Variants in ARID3A observed in about 807,000 individuals in gnomAD.
ARID3A encodes AT-rich interaction domain 3A, also known as AT-rich interactive domain-containing protein 3A.
Under a neutral mutation model 52.7 loss-of-function variants are expected in ARID3A, and 11 were observed. The ratio of observed to expected loss-of-function variants is 0.21; its 90% confidence interval spans 0.13 to 0.35. The LOEUF is 0.35. Among genes scored for constraint, ARID3A ranks in the 10% least tolerant of loss-of-function variants. The pLI, the probability that ARID3A is intolerant of heterozygous loss-of-function variation, is 1.00. For missense variants in ARID3A, 721 were observed against 838.5 expected (o/e 0.86, Z 1.73); for synonymous variants, 404 against 359.4 (o/e 1.12, Z -1.40).
At chr19:930,769 A>G (rs1469844513) in intron 2 of ARID3A, among the ~76,000 whole-genome samples, 4 of 150,938 alleles carry the variant, frequency 2.7e-5, no homozygotes, top group Admixed American at 6.6e-5. Flanking sequence ...TTGGCCTCCC[A>G]AAGTGCTGGG....
rs992548375 is a variant in ARID3A at position 930,647 on chromosome 19, C to T, written c.368+751C>T. ...GCCTCAGCCTCCCGAGTAGTTGGGA[C>T]TACAGGCGCCCGCCACCACGCCTGG... On this transcript the variant is annotated intron_variant, in intron 2 of 8. Coordinates refer to ENST00000263620, the MANE Select transcript of ARID3A (RefSeq NM_005224.3). Among the ~76,000 whole-genome samples, 7 of 150,354 alleles carry T rather than the reference C, an allele frequency of 4.7e-5. No individual in the cohort carries two copies. The East Asian group carries it at 6.1e-4, about 13-fold the overall frequency.
intron 3 of ARID3A, among the ~76,000 whole-genome samples, chr19:936,678 T>C (rs1376624213): frequency 6.6e-6 from 1 of 151,576 alleles, no homozygotes; most frequent in Non-Finnish European, 1.5e-5. Context: ...CTGTCTCTAC[T>C]AAAAATATAA....
chr19:973,908 C>T lies in ARID3A; in HGVS notation c.*1843C>T, dbSNP rs774284817. 16 of 230,682 alleles carry T rather than the reference C, an allele frequency of 6.9e-5. No homozygotes were observed. Among genetic ancestry groups the T allele is most frequent in the African/African-American group, 1.3e-4 (6 of 45,154 alleles). The allele number at this position is 230,682 out of a possible 1,614,324, so 14.3% of individuals were successfully genotyped here. The stretch of plus-strand genomic sequence containing the variant: ...AATGCCCAGCAGGGTCTGGGGACTT[C>T]GTTGGACCCGCGTGGTGTTGGGCGG... On this transcript the variant is annotated 3_prime_UTR_variant, in exon 9 of 9. Transcript: ENST00000263620.
chr19:936,960 G>A (rs1465216175), intron 3 of ARID3A, among the ~76,000 whole-genome samples: 1 of 151,906 alleles, frequency 6.6e-6, no homozygotes, highest in African/African-American at 2.4e-5. Context: ...GCCTGTTCTG[G>A]ACATTTTATA....
chr19:941,512 C>T lies in ARID3A; in HGVS notation c.693+8770C>T, dbSNP rs1032694648. Among the ~76,000 whole-genome samples, 4 of 152,202 alleles carry T rather than the reference C, an allele frequency of 2.6e-5. No individual in the cohort carries two copies. The highest frequency in any genetic ancestry group is 9.6e-5 in the African/African-American group (4 of 41,452). ...GTGCCGAGTGACGTGGCAAACTTCC[C>T]ACGTCCCTGTTTTGCGTGGACCTGT... On this transcript the variant is annotated intron_variant, in intron 3 of 8. Transcript: ENST00000263620. The surrounding 1 kb of genome is among the most constrained non-coding windows in gnomAD (Gnocchi z 6.9).
rs373039179 is a variant in ARID3A, at chr19:929,738, G to T, written c.210G>T (p.Ala70=). 33 of 1,559,266 alleles carry T rather than the reference G, an allele frequency of 2.1e-5. No individual in the cohort carries two copies. In the Admixed American group the frequency reaches 6.0e-4, roughly 28 times the overall value. The stretch of plus-strand genomic sequence containing the variant: ...TGGCAGCCATGCGGGCTGCAGCTGC[G>T]GGCCTGGGACACCCAGCCAGCCCCG... ...AALAAMRAAA[A]GLGHPASPGG... Residue 70 remains alanine, a synonymous_variant, in exon 2 of 9, where the codon GCG becomes GCT. Transcript: ENST00000263620. The surrounding 1 kb of genome is among the most constrained non-coding windows in gnomAD (Gnocchi z 6.2).
At chr19:934,021 C>T (rs1044109699) in intron 3 of ARID3A, among the ~76,000 whole-genome samples, 4 of 152,156 alleles carry the variant, frequency 2.6e-5, no homozygotes, top group African/African-American at 9.7e-5. Flanking sequence ...TAAGATGATA[C>T]GGATGAGCAT....
chr19:932,035 G>A (rs2037341283), intron 2 of ARID3A, among the ~76,000 whole-genome samples: 1 of 151,830 alleles, frequency 6.6e-6, no homozygotes, highest in Non-Finnish European at 1.5e-5. Flanking sequence ...TTGCTCTGTG[G>A]CCCAGGCTGG....
chr19:958,577 C>T lies in ARID3A; in HGVS notation c.694-1515C>T, dbSNP rs181204188. Among the ~76,000 whole-genome samples the T allele has an allele frequency of 1.7e-3, 254 of 152,230 alleles. 1 individual carries two copies. The highest frequency in any genetic ancestry group is 6.8e-3 in the Middle Eastern group (2 of 294). ...GTTGACACTTTGGTCAACCTCAGAC[C>T]GCAGATGGGACGGTGGTCCCACAGG... On this transcript the variant is annotated intron_variant, in intron 3 of 8. Coordinates refer to ENST00000263620, the MANE Select transcript of ARID3A (RefSeq NM_005224.3).
chr19:930,191 G>A (rs966019684), intron 2 of ARID3A, among the ~76,000 whole-genome samples: 1 of 152,040 alleles, frequency 6.6e-6, no homozygotes, highest in African/African-American at 2.4e-5. Context: ...GAGAACAGAA[G>A]TTGAGTTGTG....
At chr19:940,509 G>A (rs887445099) in intron 3 of ARID3A, among the ~76,000 whole-genome samples, 3 of 152,022 alleles carry the variant, frequency 2.0e-5, no homozygotes, top group Non-Finnish European at 4.4e-5. Context: ...CAGAACGGAG[G>A]CACCCTTGGT....
rs774863171 is a variant in ARID3A at position 960,063 on chromosome 19, A to T, written c.694-29A>T. ...TTCCCACACCTGAGCTCTGGCACCA[A>T]CTAACCCATCCCCTCTCCACCCTCA... On this transcript the variant is annotated intron_variant, in intron 3 of 8. Transcript: ENST00000263620. This position sits in a 1 kb window ranked among gnomAD's most constrained non-coding sequence, Gnocchi z 4.3. The T allele has an allele frequency of 1.0e-5, 16 of 1,602,038 alleles. No individual in the cohort carries two copies. The highest frequency in any genetic ancestry group is 1.3e-5 in the Non-Finnish European group (15 of 1,171,336).
intron 8 of ARID3A, among the ~76,000 whole-genome samples, chr19:970,569 A>ATG (rs2038257955): frequency 7.6e-6 from 1 of 131,550 alleles, no homozygotes; most frequent in South Asian, 2.4e-4. Context: ...GTGCAATGGC[A>ATG]TGATCTCAGC....
Position 960,063 on chromosome 19 carries a change from ACTAACCCAT to A in ARID3A, c.694-27_694-19del. 6.2e-7 allele frequency: 1 copy of A among 1,602,038 alleles called. No homozygotes were observed. The highest frequency in any genetic ancestry group is 8.5e-7 in the Non-Finnish European group (1 of 1,171,336). On this transcript the variant is annotated intron_variant, in intron 3 of 8. Coordinates refer to ENST00000263620, the MANE Select transcript of ARID3A (RefSeq NM_005224.3). The surrounding 1 kb of genome is among the most constrained non-coding windows in gnomAD (Gnocchi z 4.3). Reference sequence around the variant, plus strand: ...TTCCCACACCTGAGCTCTGGCACCAACTAACCCATCCCCTCTCCACCCTCACAGCTCTAC... The same window carrying A: ...TTCCCACACCTGAGCTCTGGCACCAACCCCTCTCCACCCTCACAGCTCTAC...
Position 975,060 on chromosome 19 carries a change from T to A in ARID3A, c.*2995T>A. 1 of 232,018 alleles carries A rather than the reference T, an allele frequency of 4.3e-6. No homozygotes were observed. The highest frequency in any genetic ancestry group is 8.5e-6 in the Non-Finnish European group (1 of 117,290). 14.4% of individuals were successfully genotyped at this position (232,018 alleles called of 1,614,324 possible). On this transcript the variant is annotated 3_prime_UTR_variant, in exon 9 of 9. Transcript: ENST00000263620. ...AGGTGGCCCCGTTCAACCCCAGCCG[T>A]GCCCATCTCCTGCCACCGCCTGTCG...
chr19:942,721 C>T lies in ARID3A; in HGVS notation c.693+9979C>T, dbSNP rs2037583052. Among the ~76,000 whole-genome samples, 2 of 152,134 alleles carry T rather than the reference C, an allele frequency of 1.3e-5. No individual in the cohort carries two copies. The highest frequency in any genetic ancestry group is 1.3e-4 in the Admixed American group (2 of 15,282). On this transcript the variant is annotated intron_variant, in intron 3 of 8. Coordinates refer to ENST00000263620, the MANE Select transcript of ARID3A (RefSeq NM_005224.3). This position sits in a 1 kb window ranked among gnomAD's most constrained non-coding sequence, Gnocchi z 8.1. ...AAGTGAGCTCCCTGGGGACCCAGGC[C>T]CCATGTCCAGAAGCCACGCTGGACA...
chr19:932,374 A>G, intron 2 of ARID3A, 44 bp from the exon 3 acceptor site: 1 of 1,578,454 alleles, frequency 6.3e-7, no homozygotes, highest in African/African-American at 1.4e-5. Flanking sequence ...GGCTGGGACG[A>G]GCCAGCACCT....
chr19:932,102 C>A (rs1196305572), intron 2 of ARID3A, among the ~76,000 whole-genome samples: 1 of 152,026 alleles, frequency 6.6e-6, no homozygotes, highest in Non-Finnish European at 1.5e-5. Flanking sequence ...CTCAAGGGAT[C>A]CTCCCGCCTT....
At chr19:931,467 ACAAC>A (rs2037326559) in intron 2 of ARID3A, among the ~76,000 whole-genome samples, 1 of 151,008 alleles carries the variant, frequency 6.6e-6, no homozygotes, top group Non-Finnish European at 1.5e-5. Context: ...AAAAAAAAAA[ACAAC>A]CAAACAAAAC....
Sources: gnomAD v4.1 joint callset for allele counts (sites outside exome capture counted in the v4.1 genomes callset) on GRCh38, gnomAD v4.1.1 for gene constraint, Gnocchi (gnomAD v3.1) non-coding constraint, MANE v1.5 for transcripts, NCBI Gene and HGNC (gene_info 2026-07-23, HGNC 2026-07-21) for gene names.